The following WNT9A variants were observed in gnomAD, a reference collection of about 807,000 sequenced individuals.
WNT9A encodes protein Wnt-9a.
In WNT9A, 8 loss-of-function variants were observed where a neutral mutation model predicts 31.4. The ratio of observed to expected loss-of-function variants is 0.26; its 90% CI spans 0.15 to 0.46. WNT9A has a LOEUF of 0.46. WNT9A is among the 20% of genes least tolerant of loss of function. The pLI is 0.99. For synonymous variants in WNT9A, 236 were observed against 220.1 expected (o/e 1.07, Z -0.64); for missense variants, 457 against 522.9 (o/e 0.87, Z 1.23).
rs1252077856 is a variant in WNT9A, at chr1:227,921,990, G to C, written c.626C>G (p.Ala209Gly). 1.2e-6 allele frequency: 2 copies of C among 1,606,752 alleles called. No individual in the cohort carries two copies. The highest frequency in any genetic ancestry group is 8.5e-7 in the Non-Finnish European group (1 of 1,175,674). ...GCACTTGCAGGTGGTCTCCACCCCA[G>C]CCTTGATCACCTGGCAGAAGGGTGC... ...NNLVGVKVIK[A>G]GVETTCKCHG... is the part of the protein sequence containing the mutation. The change falls in exon 4 of 4, where the codon GCT (alanine) becomes GGT (glycine). Residue 209 changes from alanine to glycine, a missense_variant. Transcript: ENST00000272164.
At chr1:227,930,492 C>T (rs527841321) in intron 1 of WNT9A, among the ~76,000 whole-genome samples, 16 of 152,276 alleles carry the variant, frequency 1.1e-4, no homozygotes, top group African/African-American at 2.9e-4. Flanking sequence ...CAGTGAGCCA[C>T]GGACACACCA....
intron 1 of WNT9A, among the ~76,000 whole-genome samples, chr1:227,947,186 G>A (rs536897136): frequency 0.013 from 1,900 of 151,890 alleles, 14 homozygotes; most frequent in African/African-American, 0.021. Flanking sequence ...CGCCCCGGCC[G>A]GGCCCTGCGC....
At chr1:227,941,290 A>G (rs1666700646) in intron 1 of WNT9A, among the ~76,000 whole-genome samples, 1 of 152,120 alleles carries the variant, frequency 6.6e-6, no homozygotes, top group Admixed American at 6.5e-5. Context: ...AAGACCCCAC[A>G]GGGACCCTTC....
intron 3 of WNT9A, 54 bp downstream of exon 3, chr1:227,924,084 C>A: frequency 9.5e-7 from 1 of 1,056,800 alleles, no homozygotes; most frequent in Admixed American, 2.3e-5. Context: ...CCCCCAACCC[C>A]CTGACGCTCT....
chr1:227,921,817 T>C lies in WNT9A; in HGVS notation c.799A>G (p.Ile267Val). Residue 267 changes from isoleucine (I) to valine (V), a missense_variant, in exon 4 of 4, where the codon ATC becomes GTC. Transcript: ENST00000272164. ...GAGGCACGGCCCCGTGGTGGGGAGA[T>C]GGCACCTGCCTCGCCGGCAGCTTCA... ...TNEAAGEAGA[I>V]SPPRGRASGA... The C allele has an allele frequency of 6.2e-7, 1 of 1,612,930 alleles. No homozygotes were observed. Among genetic ancestry groups the C allele is most frequent in the Non-Finnish European group, 8.5e-7 (1 of 1,179,862 alleles).
chr1:227,926,063 A>T lies in WNT9A; in HGVS notation c.96-544T>A, dbSNP rs997327267. 6.6e-6 allele frequency among the ~76,000 whole-genome samples: 1 copy of T among 151,940 alleles called. No individual in the cohort carries two copies. The highest frequency in any genetic ancestry group is 1.5e-5 in the Non-Finnish European group (1 of 67,960). On this transcript the variant is annotated intron_variant, in intron 1 of 3. Coordinates refer to ENST00000272164, the MANE Select transcript of WNT9A (RefSeq NM_003395.4). This position sits in a 1 kb window ranked among gnomAD's most constrained non-coding sequence, Gnocchi z 5.0. ...TTCCCAGCACTCCTGCAGTCTACGCATATGTCCCCAGGTTCCAGCTGGGGT... is the reference window on the plus strand; with the variant it reads ...TTCCCAGCACTCCTGCAGTCTACGCTTATGTCCCCAGGTTCCAGCTGGGGT...
At chr1:227,936,345 A>G (rs1666595249) in intron 1 of WNT9A, among the ~76,000 whole-genome samples, 1 of 152,050 alleles carries the variant, frequency 6.6e-6, no homozygotes, top group African/African-American at 2.4e-5. Context: ...AGCTGCCAAC[A>G]TGCCCAGCTA....
chr1:227,924,589 A>C (rs1666385176), intron 2 of WNT9A, among the ~76,000 whole-genome samples, 189 bp from the exon 3 acceptor site: 1 of 152,132 alleles, frequency 6.6e-6, no homozygotes, highest in Non-Finnish European at 1.5e-5. Flanking sequence ...TGGGTGTCCC[A>C]GGCGCAGGGC....
At chr1:227,927,642 G>A (rs368556219) in intron 1 of WNT9A, among the ~76,000 whole-genome samples, 2 of 152,070 alleles carry the variant, frequency 1.3e-5, no homozygotes, top group African/African-American at 4.8e-5. Context: ...CAGGAGAGCC[G>A]CACCTCACAC....
chr1:227,929,019 G>C (rs1666465768), intron 1 of WNT9A, among the ~76,000 whole-genome samples: 1 of 152,140 alleles, frequency 6.6e-6, no homozygotes, highest in Non-Finnish European at 1.5e-5. Flanking sequence ...GTGTGTGTGT[G>C]TCTGGATGCA....
intron 1 of WNT9A, among the ~76,000 whole-genome samples, chr1:227,946,936 G>A (rs1239324154): frequency 6.6e-6 from 1 of 152,198 alleles, no homozygotes; most frequent in African/African-American, 2.4e-5. Flanking sequence ...GGCGGCGCTC[G>A]GGGTAGGAGG....
chr1:227,922,438 G>A (rs1666338196), intron 3 of WNT9A, among the ~76,000 whole-genome samples: 1 of 152,242 alleles, frequency 6.6e-6, no homozygotes, highest in Non-Finnish European at 1.5e-5. Flanking sequence ...AGTGGTGTAT[G>A]TCTGAGCTGA....
rs370659596 is a variant in WNT9A, at chr1:227,924,324, C to G, written c.429G>C (p.Ala143=). The G allele has an allele frequency of 1.9e-6, 3 of 1,613,354 alleles. No individual in the cohort carries two copies. The African/African-American group carries it at 4.0e-5, about 22-fold the overall frequency. Reference sequence around the variant, plus strand: ...CGCAGGTACAGCGCTCCATGCGGCCCGCGCTGCACGCCTTGGCCAGTGCGT... The same window carrying G: ...CGCAGGTACAGCGCTCCATGCGGCCGGCGCTGCACGCCTTGGCCAGTGCGT... ...LTHALAKACS[A]GRMERCTCDE... is the part of the protein sequence containing the mutation. Residue 143 remains alanine, a synonymous_variant, in exon 3 of 4, where the codon GCG becomes GCC. Coordinates refer to ENST00000272164, the MANE Select transcript of WNT9A (RefSeq NM_003395.4).
Position 227,921,748 on chromosome 1 carries a change from C to T in WNT9A, c.868G>A (p.Val290Met), listed in dbSNP as rs759994026. Residue 290 changes from valine to methionine, a missense_variant, in exon 4 of 4, where the codon GTG (valine) becomes ATG (methionine). Transcript: ENST00000272164. The stretch of plus-strand genomic sequence containing the variant: ...AAGCTAGGCGAGTCATCCAGGTGCA[C>T]CAGCTCTGGAGTGCGGGGCAGCGGG... ...SDPLPRTPEL[V>M]HLDDSPSFCL... The T allele has an allele frequency of 6.2e-7, 1 of 1,612,590 alleles. No homozygotes were observed. The highest frequency in any genetic ancestry group is 1.1e-5 in the South Asian group (1 of 91,076).
intron 1 of WNT9A, among the ~76,000 whole-genome samples, chr1:227,937,883 C>CAAG (rs1558263344): frequency 6.6e-6 from 1 of 152,208 alleles, no homozygotes; most frequent in African/African-American, 2.4e-5. Context: ...ACCAGCCAGG[C>CAAG]TTCTAGGGCC....
At chr1:227,929,998 G>A (rs1167595689) in intron 1 of WNT9A, among the ~76,000 whole-genome samples, 5 of 152,206 alleles carry the variant, frequency 3.3e-5, no homozygotes, top group African/African-American at 9.6e-5. Flanking sequence ...CTCCCAGGCT[G>A]TGGTGTTTTG....
rs142010266 is a variant in WNT9A at position 227,921,640 on chromosome 1, G to A, written c.976C>T (p.Arg326Cys). 3.3e-5 allele frequency: 53 copies of A among 1,613,240 alleles called. No homozygotes were observed. Among genetic ancestry groups the A allele is most frequent in the Non-Finnish European group, 4.3e-5 (51 of 1,180,002 alleles). Residue 326 changes from arginine to cysteine, a missense_variant, in exon 4 of 4, where the codon CGC becomes TGC. Transcript: ENST00000272164. The stretch of plus-strand genomic sequence containing the variant: ...ACCCGGCTCTGTGTGTTATGGCCGC[G>A]GCCACAGCAGATGCTCTCGCAGTTC... ...EKNCESICCG[R>C]GHNTQSRVVT...
In WNT9A at chr1:227,942,823, G is replaced by A. The variant is rs1448311931; in HGVS notation, c.95+4970C>T. Among the ~76,000 whole-genome samples the A allele has an allele frequency of 2.6e-5, 4 of 152,102 alleles. No individual in the cohort carries two copies. The highest frequency in any genetic ancestry group is 2.1e-4 in the South Asian group (1 of 4,828). On this transcript the variant is annotated intron_variant, in intron 1 of 3. Transcript: ENST00000272164. The surrounding 1 kb of genome is among the most constrained non-coding windows in gnomAD (Gnocchi z 5.7). ...GCTCTCAGCTGCTCCCAAACCCCCC[G>A]GCCCACAGTGCTCAGAGCACCCGAC...
chr1:227,929,179 C>CAG (rs1162287378), intron 1 of WNT9A, among the ~76,000 whole-genome samples: 1 of 152,128 alleles, frequency 6.6e-6, no homozygotes, highest in Non-Finnish European at 1.5e-5. Flanking sequence ...CCTTCCTTCC[C>CAG]AGCTGCTCCA....
Sources: allele counts gnomAD v4.1 joint callset (sites outside exome capture counted in the v4.1 genomes callset), GRCh38; gene constraint gnomAD v4.1.1; non-coding constraint Gnocchi (gnomAD v3.1); transcripts MANE v1.5; gene names NCBI Gene and HGNC (gene_info 2026-07-23, HGNC 2026-07-21).